SCAF11: variants seen among roughly 807,000 people sequenced by gnomAD.
SCAF11 encodes the protein protein SCAF11.
SCAF11 carries 47 observed loss-of-function variants against 140.5 expected under a neutral mutation model. The ratio of observed to expected loss-of-function variants is 0.33; its 90% confidence interval spans 0.26 to 0.43. The LOEUF (loss-of-function observed/expected upper bound fraction) is 0.43. SCAF11 is among the 20% of genes least tolerant of loss of function. SCAF11 has a pLI of 1.00. For missense variants in SCAF11, 1,645 were observed against 1,705.1 expected (o/e 0.96, Z 0.62); for synonymous variants, 557 against 579.4 (o/e 0.96, Z 0.55).
intron 1 of SCAF11, among the ~76,000 whole-genome samples, chr12:45,973,877 T>A (rs2136646579): frequency 6.6e-6 from 1 of 152,306 alleles, no homozygotes; most frequent in East Asian, 1.9e-4. Flanking sequence ...ATGTTAGGAA[T>A]GATGGAAGAT....
intron 9 of SCAF11, among the ~76,000 whole-genome samples, chr12:45,932,254 A>AC (rs775474355): frequency 3.3e-5 from 5 of 151,620 alleles, no homozygotes; most frequent in South Asian, 2.1e-4. Context: ...ACCTGTTAAG[A>AC]CCCCCTCCTT....
chr12:45,936,048 T>C (rs1244520724), intron 6 of SCAF11, among the ~76,000 whole-genome samples: 1 of 152,212 alleles, frequency 6.6e-6, no homozygotes, highest in African/African-American at 2.4e-5. Flanking sequence ...TCTTGATTTC[T>C]GCTTCCCCAA....
intron 4 of SCAF11, among the ~76,000 whole-genome samples, chr12:45,948,935 A>C (rs1004260511): frequency 6.6e-6 from 1 of 152,186 alleles, no homozygotes; most frequent in Non-Finnish European, 1.5e-5. Flanking sequence ...ACAGAGTTGT[A>C]AGGAACAGTG....
At chr12:45,942,198 G>A (rs1945317665) in intron 6 of SCAF11, among the ~76,000 whole-genome samples, 1 of 152,198 alleles carries the variant, frequency 6.6e-6, no homozygotes, top group African/African-American at 2.4e-5. Context: ...GCAGTCAAAA[G>A]TAATACACTG....
At chr12:45,960,428 A>C (rs1003085449) in intron 3 of SCAF11, 3 of 152,132 alleles carry the variant, frequency 2.0e-5, no homozygotes, top group African/African-American at 7.2e-5. Context: ...AAAAAAATTT[A>C]ACCACAAAGC....
At chr12:45,940,410 A>C (rs992668788) in intron 6 of SCAF11, among the ~76,000 whole-genome samples, 1 of 152,234 alleles carries the variant, frequency 6.6e-6, no homozygotes, top group Non-Finnish European at 1.5e-5. Flanking sequence ...ACAACCATAA[A>C]GTGAGAGGCT....
At chr12:45,978,647 G>T (rs903763616) in intron 1 of SCAF11, among the ~76,000 whole-genome samples, 5 of 152,086 alleles carry the variant, frequency 3.3e-5, no homozygotes, top group Admixed American at 6.6e-5. Flanking sequence ...ATGGACGTAT[G>T]GAAGTAGAGG....
At position 45,926,875 on chromosome 12, in the gene SCAF11, G is replaced by A. The variant is rs914943858; in HGVS notation, c.2826C>T (p.Pro942=). Residue 942 remains proline, a synonymous_variant, in exon 11 of 15, where the codon CCC becomes CCT. Coordinates refer to ENST00000369367, the MANE Select transcript of SCAF11 (RefSeq NM_004719.3). Reference sequence around the variant, plus strand: ...TCTTACTTTTTGTTCTACATCTTGAGGGGGACCTAGAATGAGATCTGGACC... The same window carrying A: ...TCTTACTTTTTGTTCTACATCTTGAAGGGGACCTAGAATGAGATCTGGACC... ...WSRSRSHSRS[P]SRCRTKSKSS... is the part of the protein sequence containing the mutation. The A allele has an allele frequency of 2.5e-6, 4 of 1,613,760 alleles. No individual in the cohort carries two copies. In the African/African-American group the frequency reaches 5.3e-5, roughly 22 times the overall value.
At chr12:45,987,262 CA>C (rs1946478644) in intron 1 of SCAF11, among the ~76,000 whole-genome samples, 1 of 152,246 alleles carries the variant, frequency 6.6e-6, no homozygotes, top group African/African-American at 2.4e-5. Context: ...CAAACAACAA[CA>C]AAAAACAAGG....
At chr12:45,970,650 A>T (rs1946051564) in intron 1 of SCAF11, among the ~76,000 whole-genome samples, 1 of 152,268 alleles carries the variant, frequency 6.6e-6, no homozygotes, top group Non-Finnish European at 1.5e-5. Flanking sequence ...GATCAACAAA[A>T]GCAATTTCTA....
At chr12:45,949,553 G>T (rs1945502631) in intron 4 of SCAF11, among the ~76,000 whole-genome samples, 1 of 152,000 alleles carries the variant, frequency 6.6e-6, no homozygotes, top group Non-Finnish European at 1.5e-5. Context: ...AAGAATAGGG[G>T]TCTACAAAGA....
intron 1 of SCAF11, among the ~76,000 whole-genome samples, chr12:45,973,005 T>TATAG (rs1946146641): frequency 6.9e-6 from 1 of 144,404 alleles, no homozygotes; most frequent in Admixed American, 6.9e-5. Context: ...TATATAGATA[T>TATAG]ATATATAGAT....
intron 6 of SCAF11, among the ~76,000 whole-genome samples, chr12:45,936,499 TCTTC>T (rs927328087): frequency 3.3e-5 from 5 of 152,172 alleles, no homozygotes. Flanking sequence ...CTTTTCCTTT[TCTTC>T]CTTATTATCC....
chr12:45,932,952 T>TAGAA (rs1945085930), intron 9 of SCAF11, among the ~76,000 whole-genome samples, 179 bp downstream of exon 9: 1 of 152,144 alleles, frequency 6.6e-6, no homozygotes, highest in African/African-American at 2.4e-5. Flanking sequence ...GATTCTTTAC[T>TAGAA]TTCTAAGGGG....
intron 6 of SCAF11, among the ~76,000 whole-genome samples, chr12:45,939,040 C>T (rs1945236179): frequency 6.7e-6 from 1 of 149,550 alleles, no homozygotes; most frequent in Non-Finnish European, 1.5e-5. Context: ...AACAAATTTG[C>T]TAATAGGTTT....
chr12:45,977,214 T>G (rs946815519), intron 1 of SCAF11, among the ~76,000 whole-genome samples: 4 of 151,996 alleles, frequency 2.6e-5, no homozygotes, highest in African/African-American at 9.7e-5. Context: ...CTGCTCCTCA[T>G]CAAAACAAAA....
chr12:45,948,983 A>G (rs1032568358), intron 4 of SCAF11, among the ~76,000 whole-genome samples: 11 of 152,190 alleles, frequency 7.2e-5, no homozygotes, highest in African/African-American at 1.9e-4. Flanking sequence ...GAGTAGCTAG[A>G]TGTGAAATTG....
chr12:45,980,369 G>A (rs555570255), intron 1 of SCAF11, among the ~76,000 whole-genome samples: 17 of 152,262 alleles, frequency 1.1e-4, no homozygotes, highest in Admixed American at 9.8e-4. Flanking sequence ...TTATGGATAT[G>A]TTTAGCAACC....
At chr12:45,962,371 A>G (rs1166217719) in intron 2 of SCAF11, among the ~76,000 whole-genome samples, 1 of 152,210 alleles carries the variant, frequency 6.6e-6, no homozygotes, top group African/African-American at 2.4e-5. Flanking sequence ...CAATGTTGCA[A>G]TAAAAATTTA....
Sources: allele counts gnomAD v4.1 joint callset (sites outside exome capture counted in the v4.1 genomes callset), GRCh38; gene constraint gnomAD v4.1.1; transcripts MANE v1.5; gene names NCBI Gene and HGNC (gene_info 2026-07-23, HGNC 2026-07-21).